Variants in STXBP5L observed in about 807,000 individuals in gnomAD.
The protein encoded by STXBP5L is syntaxin-binding protein 5-like.
In STXBP5L, 65 loss-of-function variants were observed where a neutral mutation model predicts 144.5. That is an observed-to-expected ratio of 0.45 (90% CI 0.37 to 0.55). The LOEUF (loss-of-function observed/expected upper bound fraction) is 0.55, where lower values mean the gene tolerates loss of function less well. Among genes scored for constraint, STXBP5L ranks in the 20% least tolerant of loss-of-function variants. The pLI is 0.00. For missense variants in STXBP5L, 1,298 were observed against 1,405.5 expected (o/e 0.92, Z 1.22); for synonymous variants, 505 against 469.6 (o/e 1.08, Z -0.97).
chr3:121,345,864 G>A (rs1051987669), intron 20 of STXBP5L, among the ~76,000 whole-genome samples: 2 of 151,898 alleles, frequency 1.3e-5, no homozygotes, highest in Admixed American at 1.3e-4. Context: ...AATGTCACCT[G>A]CCTCCTTCCC....
intron 19 of STXBP5L, among the ~76,000 whole-genome samples, chr3:121,312,446 C>CTTTTTTTTTTTTTTTTTTTTTTTTTTTTT (rs58989280): frequency 1.6e-4 from 2 of 12,752 alleles, no homozygotes; most frequent in Non-Finnish European, 2.3e-4. Flanking sequence ...GTATGTCAAT[C>CTTTTTTTTTTTTTTTTTTTTTTTTTTTTT]TTTTTTTTTT....
intron 5 of STXBP5L, among the ~76,000 whole-genome samples, chr3:121,110,677 A>G (rs2043941047): frequency 1.3e-5 from 2 of 151,824 alleles, no homozygotes; most frequent in African/African-American, 4.8e-5. Context: ...TTTCATTTCG[A>G]CCTTACAGAA....
At chr3:121,078,667 C>T (rs1396460031) in intron 5 of STXBP5L, among the ~76,000 whole-genome samples, 1 of 151,918 alleles carries the variant, frequency 6.6e-6, no homozygotes, top group Non-Finnish European at 1.5e-5. Flanking sequence ...GGTTCTGAGC[C>T]CTGCCCCGCT....
At chr3:121,210,353 G>T (rs773736509) in intron 10 of STXBP5L, among the ~76,000 whole-genome samples, 5 of 149,688 alleles carry the variant, frequency 3.3e-5, no homozygotes, top group Non-Finnish European at 7.4e-5. Flanking sequence ...TGAGTAGATT[G>T]CAAAAATTTT....
intron 10 of STXBP5L, among the ~76,000 whole-genome samples, chr3:121,216,334 T>G (rs1041683506): frequency 6.6e-6 from 1 of 152,226 alleles, no homozygotes; most frequent in Non-Finnish European, 1.5e-5. Flanking sequence ...TTTATTTACC[T>G]TTGGTCTTGG....
intron 20 of STXBP5L, among the ~76,000 whole-genome samples, chr3:121,319,792 C>T (rs1432640421): frequency 6.6e-6 from 1 of 152,106 alleles, no homozygotes; most frequent in Non-Finnish European, 1.5e-5. Flanking sequence ...ATTCAATACC[C>T]TTTATCAAAT....
At chr3:121,036,595 T>G (rs1338806547) in intron 3 of STXBP5L, among the ~76,000 whole-genome samples, 1 of 152,116 alleles carries the variant, frequency 6.6e-6, no homozygotes, top group Non-Finnish European at 1.5e-5. Context: ...CTCTTGCTGT[T>G]AAGAATAATG....
intron 18 of STXBP5L, among the ~76,000 whole-genome samples, chr3:121,264,104 G>C (rs1031484874): frequency 2.6e-5 from 4 of 152,230 alleles, no homozygotes; most frequent in Non-Finnish European, 4.4e-5. Context: ...CAGACTAACA[G>C]AGGATCTCTC....
At chr3:120,919,695 A>G (rs1709271378) in intron 2 of STXBP5L, among the ~76,000 whole-genome samples, 2 of 151,900 alleles carry the variant, frequency 1.3e-5, no homozygotes, top group Non-Finnish European at 1.5e-5. Context: ...TTAAACATTT[A>G]TTGAAAGCAT....
intron 3 of STXBP5L, among the ~76,000 whole-genome samples, chr3:121,000,870 T>C: frequency 6.6e-6 from 1 of 152,154 alleles, no homozygotes; most frequent in African/African-American, 2.4e-5. Flanking sequence ...TCTGGATGAT[T>C]TCAGGAGGCC....
intron 20 of STXBP5L, among the ~76,000 whole-genome samples, chr3:121,375,252 A>C (rs1194332537): frequency 6.6e-6 from 1 of 152,204 alleles, no homozygotes; most frequent in East Asian, 1.9e-4. Flanking sequence ...CAGATATGGA[A>C]AGTTCAATAA....
chr3:121,234,101 TCTTTTA>T (rs2049393432), intron 12 of STXBP5L, among the ~76,000 whole-genome samples: 1 of 152,090 alleles, frequency 6.6e-6, no homozygotes, highest in African/African-American at 2.4e-5. Flanking sequence ...ACAGGGGCCT[TCTTTTA>T]CTTTTATTCC....
chr3:120,924,132 G>A (rs938224470), intron 2 of STXBP5L, among the ~76,000 whole-genome samples: 2 of 152,150 alleles, frequency 1.3e-5, no homozygotes, highest in Non-Finnish European at 2.9e-5. Flanking sequence ...GTGTTAGACA[G>A]TAATTATACC....
Position 121,369,576 on chromosome 3 carries a change from T to C in STXBP5L, c.2177-9140T>C, listed in dbSNP as rs571576049. Among the ~76,000 whole-genome samples, 5 of 151,840 alleles carry C rather than the reference T, an allele frequency of 3.3e-5. No individual in the cohort carries two copies. In the East Asian group the frequency reaches 7.7e-4, roughly 23 times the overall value. On this transcript the variant is annotated intron_variant, in intron 20 of 26. Transcript: ENST00000471454. The stretch of plus-strand genomic sequence containing the variant: ...GGTGTCGTGGTTCTTTGATTTTTTC[T>C]TTGATTTTTTTTTCATGTTCCTTGA...
intron 3 of STXBP5L, among the ~76,000 whole-genome samples, chr3:120,975,208 T>C (rs1249572926): frequency 6.6e-6 from 1 of 152,206 alleles, no homozygotes; most frequent in Non-Finnish European, 1.5e-5. Flanking sequence ...TTGTATCCTC[T>C]TTTATTTCCT....
chr3:120,928,698 A>C (rs373209521), intron 2 of STXBP5L, among the ~76,000 whole-genome samples: 51 of 151,254 alleles, frequency 3.4e-4, no homozygotes, highest in African/African-American at 1.2e-3. Context: ...ACAATGTGTT[A>C]AGATTTATTC....
chr3:121,269,415 G>A (rs1577340126), intron 18 of STXBP5L, among the ~76,000 whole-genome samples: 1 of 151,334 alleles, frequency 6.6e-6, no homozygotes, highest in African/African-American at 2.4e-5. Context: ...AGTATTATAT[G>A]TGTGTGTGTG....
intron 5 of STXBP5L, among the ~76,000 whole-genome samples, chr3:121,068,217 C>A (rs555412123): frequency 2.2e-4 from 34 of 152,208 alleles, no homozygotes; most frequent in East Asian, 1.9e-4. Context: ...ACCATGTTGG[C>A]CATGATGGTC....
At chr3:121,143,861 C>T (rs967183602) in intron 7 of STXBP5L, among the ~76,000 whole-genome samples, 3 of 151,568 alleles carry the variant, frequency 2.0e-5, no homozygotes, top group African/African-American at 4.8e-5. Flanking sequence ...AAACATAGGA[C>T]CTTAAACTCT....
Sources: allele counts gnomAD v4.1 joint callset (sites outside exome capture counted in the v4.1 genomes callset), GRCh38; gene constraint gnomAD v4.1.1; transcripts MANE v1.5; gene names NCBI Gene and HGNC (gene_info 2026-07-23, HGNC 2026-07-21).